Variants in SHOC1 observed in about 807,000 individuals in gnomAD.
SHOC1 encodes the protein shortage in chiasmata 1, also known as protein shortage in chiasmata 1 ortholog.
In SHOC1, 136 loss-of-function variants were observed where a neutral mutation model predicts 179.2. The observed-to-expected ratio is 0.76, with a 90% CI of 0.66 to 0.87. SHOC1 has a LOEUF of 0.87. SHOC1 is among the 40% of genes least tolerant of loss of function. The probability of loss-of-function intolerance (pLI) is 0.00; values close to 1 mark genes in which losing one functional copy is unlikely to be tolerated. For missense variants in SHOC1, 1,538 were observed against 1,700.8 expected (o/e 0.90, Z 1.68); for synonymous variants, 489 against 586.6 (o/e 0.83, Z 2.41).
intron 10 of SHOC1, among the ~76,000 whole-genome samples, chr9:111,743,883 G>A (rs1834149222): frequency 6.6e-6 from 1 of 152,100 alleles, no homozygotes; most frequent in Non-Finnish European, 1.5e-5. Context: ...CCAAACAAAT[G>A]GAAGTGATTT....
intron 3 of SHOC1, among the ~76,000 whole-genome samples, chr9:111,782,936 A>G (rs564522253): frequency 6.6e-6 from 1 of 150,910 alleles, no homozygotes; most frequent in East Asian, 2.0e-4. Flanking sequence ...TGCAAACTCT[A>G]TCTTCCTATC....
chr9:111,774,416 A>G (rs1052844888), intron 5 of SHOC1, among the ~76,000 whole-genome samples: 1 of 152,130 alleles, frequency 6.6e-6, no homozygotes, highest in African/African-American at 2.4e-5. Flanking sequence ...TTCCCACTTC[A>G]GCCTTACAAA....
chr9:111,737,476 G>C (rs1203041619), intron 12 of SHOC1, among the ~76,000 whole-genome samples: 1 of 152,118 alleles, frequency 6.6e-6, no homozygotes, highest in Non-Finnish European at 1.5e-5. Flanking sequence ...AGACCAGCCT[G>C]GCCAACATGG....
chr9:111,688,509 A>G (rs1831283255), intron 27 of SHOC1, among the ~76,000 whole-genome samples: 1 of 152,178 alleles, frequency 6.6e-6, no homozygotes, highest in African/African-American at 2.4e-5. Context: ...TGAAGAGATT[A>G]CCAGCATTTT....
At chr9:111,727,184 A>G (rs1333207247) in intron 13 of SHOC1, among the ~76,000 whole-genome samples, 2 of 152,218 alleles carry the variant, frequency 1.3e-5, no homozygotes, top group African/African-American at 4.8e-5. Flanking sequence ...CAACTCAAAC[A>G]GAAACTGTTA....
At chr9:111,740,593 G>A (rs1461349902) in intron 11 of SHOC1, among the ~76,000 whole-genome samples, 1 of 152,010 alleles carries the variant, frequency 6.6e-6, no homozygotes, top group Admixed American at 6.6e-5. Context: ...ATTTATTTTT[G>A]AGATGGAGTC....
intron 18 of SHOC1, among the ~76,000 whole-genome samples, chr9:111,710,747 A>G (rs2131372833): frequency 6.6e-6 from 1 of 152,280 alleles, no homozygotes; most frequent in Non-Finnish European, 1.5e-5. Context: ...TTCCTCAACA[A>G]ATGTTTTAAT....
intron 8 of SHOC1, among the ~76,000 whole-genome samples, chr9:111,754,621 G>C (rs1213764498): frequency 6.6e-6 from 1 of 152,126 alleles, no homozygotes; most frequent in Non-Finnish European, 1.5e-5. Flanking sequence ...ATATCCAAGA[G>C]AAATGAAAAC....
At chr9:111,768,249 G>T in intron 5 of SHOC1, among the ~76,000 whole-genome samples, 2 of 142,728 alleles carry the variant, frequency 1.4e-5, no homozygotes, top group African/African-American at 2.6e-5. Flanking sequence ...TTTTTGAGAT[G>T]GAGTCTTACT....
intron 22 of SHOC1, among the ~76,000 whole-genome samples, 172 bp downstream of exon 22, chr9:111,703,708 GA>G (rs745906552): frequency 6.6e-6 from 1 of 152,112 alleles, no homozygotes; most frequent in Non-Finnish European, 1.5e-5. Flanking sequence ...AGGCATCAGA[GA>G]AGTTTGATAA....
In SHOC1 at chr9:111,756,336, AG is replaced by A. The variant is rs1465102957; in HGVS notation, c.850del (p.Leu284PhefsTer18). ...IINYVDEKEK[L>X]FERDLTNKHG... ...CAATTAATTCTCACCTCTTTCAAAA[AG>A]CTTTTCCTTTTCATCTACATAGTTT... On this transcript the variant is annotated frameshift_variant, in exon 8 of 28. Transcript: ENST00000682961. LOFTEE classifies it high-confidence loss of function. 4 of 1,592,102 alleles carry A rather than the reference AG, an allele frequency of 2.5e-6. No individual in the cohort carries two copies. Among genetic ancestry groups the A allele is most frequent in the Non-Finnish European group, 3.4e-6 (4 of 1,173,238 alleles).
At chr9:111,756,848 A>C (rs750450621) in intron 7 of SHOC1, among the ~76,000 whole-genome samples, 1 of 152,194 alleles carries the variant, frequency 6.6e-6, no homozygotes, top group Non-Finnish European at 1.5e-5. Flanking sequence ...AGATCATGGA[A>C]TGGAATAGAT....
At chr9:111,735,558 T>A (rs1833777967) in intron 12 of SHOC1, among the ~76,000 whole-genome samples, 1 of 152,228 alleles carries the variant, frequency 6.6e-6, no homozygotes, top group Admixed American at 6.5e-5. Context: ...GTGTATTATG[T>A]ACCACATTTT....
intron 27 of SHOC1, 69 bp from the exon 28 acceptor site, chr9:111,686,939 C>CCT (rs1831195701): frequency 5.8e-6 from 3 of 520,860 alleles, no homozygotes; most frequent in Non-Finnish European, 9.0e-6. Context: ...TTTTCTTTTC[C>CCT]TTTTTTTTTT....
intron 1 of SHOC1, among the ~76,000 whole-genome samples, chr9:111,793,795 C>G (rs1323405206): frequency 4.0e-5 from 6 of 151,808 alleles, no homozygotes; most frequent in Admixed American, 3.9e-4. Context: ...AGGTCAGGCA[C>G]AAGGCCAGGA....
At chr9:111,774,063 A>T (rs1329876516) in intron 5 of SHOC1, among the ~76,000 whole-genome samples, 1 of 152,190 alleles carries the variant, frequency 6.6e-6, no homozygotes, top group Non-Finnish European at 1.5e-5. Flanking sequence ...AAATTCAAGC[A>T]TATTTTCTCT....
At chr9:111,709,076 C>G (rs541377510) in intron 18 of SHOC1, among the ~76,000 whole-genome samples, 1 of 152,338 alleles carries the variant, frequency 6.6e-6, no homozygotes, top group African/African-American at 2.4e-5. Context: ...TGCAGTGGCT[C>G]ACGCCTGTAA....
chr9:111,751,076 C>T (rs1279764044), intron 8 of SHOC1, among the ~76,000 whole-genome samples: 1 of 152,002 alleles, frequency 6.6e-6, no homozygotes, highest in Non-Finnish European at 1.5e-5. Context: ...CCGCCAGCTC[C>T]CCCAGCACCA....
intron 22 of SHOC1, among the ~76,000 whole-genome samples, chr9:111,703,239 T>C (rs1220121632): frequency 1.3e-5 from 2 of 152,210 alleles, no homozygotes; most frequent in Admixed American, 6.5e-5. Context: ...ATAATTCTTA[T>C]AACATTTGCT....
Sources: gnomAD v4.1 joint callset for allele counts (sites outside exome capture counted in the v4.1 genomes callset) on GRCh38, gnomAD v4.1.1 for gene constraint, MANE v1.5 for transcripts, NCBI Gene and HGNC (gene_info 2026-07-23, HGNC 2026-07-21) for gene names.